Variants in KLF12 observed in about 807,000 individuals in gnomAD.
KLF12 encodes KLF transcription factor 12.
Under a neutral mutation model 37.8 loss-of-function variants are expected in KLF12, and 9 were observed. The observed-to-expected ratio is 0.24, with a 90% CI of 0.14 to 0.42. The LOEUF (loss-of-function observed/expected upper bound fraction) is 0.42, where lower values mean the gene tolerates loss of function less well. KLF12 is among the 10% of genes least tolerant of loss of function. KLF12 has a pLI of 1.00. For synonymous variants in KLF12, 208 were observed against 202.1 expected, an observed-to-expected ratio of 1.03 and a Z score of -0.25; for missense variants, 411 against 516.0, an observed-to-expected ratio of 0.80 and a Z score of 1.97.
At chr13:74,114,823 C>T (rs1171098447) in intron 1 of KLF12, among the ~76,000 whole-genome samples, 4 of 152,190 alleles carry the variant, frequency 2.6e-5, no homozygotes, top group Non-Finnish European at 2.9e-5. Flanking sequence ...TAATCCTCCA[C>T]TCCCTTTTTG....
At position 73,868,331 on chromosome 13, in the gene KLF12, G is replaced by GA. The variant is rs1555317374; in HGVS notation, c.124-21959_124-21958insT. 3.8e-4 allele frequency among the ~76,000 whole-genome samples: 51 copies of GA among 133,202 alleles called. 3 individuals carry two copies. The South Asian group carries it at 8.0e-3, about 21-fold the overall frequency. 87.4% of individuals were successfully genotyped at this position (133,202 alleles called of 152,430 possible). ...AAAGAAAAAAGGCGGGGGCGGTGGG[G>GA]GGGGGGGGTGATTTCAGTACAAAGC... On this transcript the variant is annotated intron_variant, in intron 3 of 7. Coordinates refer to ENST00000377669, the MANE Select transcript of KLF12 (RefSeq NM_007249.5).
intron 2 of KLF12, among the ~76,000 whole-genome samples, chr13:73,987,841 T>TG (rs1891866923): frequency 1.7e-5 from 1 of 60,548 alleles, no homozygotes; most frequent in Non-Finnish European, 3.3e-5. Context: ...AAAGAGGAAG[T>TG]GGGGGAAGAG....
intron 4 of KLF12, among the ~76,000 whole-genome samples, chr13:73,835,002 C>T (rs1038697698): frequency 2.0e-5 from 3 of 151,776 alleles, no homozygotes; most frequent in Admixed American, 6.6e-5. Context: ...TTTTTATTTC[C>T]ACTGAATAGA....
chr13:73,792,230 G>A (rs901571136), intron 5 of KLF12, among the ~76,000 whole-genome samples: 1 of 152,152 alleles, frequency 6.6e-6, no homozygotes, highest in African/African-American at 2.4e-5. Flanking sequence ...GCTAGTTCTA[G>A]AGGGAGATTT....
chr13:73,803,184 T>A (rs1470937189), intron 5 of KLF12, among the ~76,000 whole-genome samples: 2 of 152,206 alleles, frequency 1.3e-5, no homozygotes, highest in Admixed American at 6.5e-5. Flanking sequence ...TTCTGACTTC[T>A]CCCTAGGGAT....
chr13:74,083,342 A>T (rs1875034882), intron 1 of KLF12, among the ~76,000 whole-genome samples: 1 of 152,098 alleles, frequency 6.6e-6, no homozygotes, highest in African/African-American at 2.4e-5. Flanking sequence ...ACTGTGTCTA[A>T]AAAGTGCAGA....
intron 1 of KLF12, among the ~76,000 whole-genome samples, chr13:74,020,604 T>C (rs1892817200): frequency 2.0e-5 from 3 of 152,080 alleles, no homozygotes; most frequent in Non-Finnish European, 4.4e-5. Context: ...AAATATGGAA[T>C]GGAAGGCTGG....
intron 6 of KLF12, among the ~76,000 whole-genome samples, chr13:73,745,935 C>T (rs1878330518): frequency 6.6e-6 from 1 of 152,150 alleles, no homozygotes; most frequent in African/African-American, 2.4e-5. Flanking sequence ...ACGTAGTACA[C>T]ACCATCTGCA....
chr13:73,984,137 C>T (rs562628857), intron 2 of KLF12, among the ~76,000 whole-genome samples: 2 of 152,268 alleles, frequency 1.3e-5, no homozygotes, highest in East Asian at 3.9e-4. Flanking sequence ...AGTGAAATGG[C>T]AGAGAAGAGG....
chr13:73,899,425 A>C, intron 3 of KLF12, among the ~76,000 whole-genome samples: 1 of 152,240 alleles, frequency 6.6e-6, no homozygotes, highest in East Asian at 1.9e-4. Flanking sequence ...AGAAACAGAA[A>C]GCTGAATCTG....
chr13:73,906,356 T>C (rs1016819953), intron 3 of KLF12, among the ~76,000 whole-genome samples: 3 of 152,222 alleles, frequency 2.0e-5, no homozygotes, highest in Admixed American at 6.5e-5. Flanking sequence ...TCTATCATTT[T>C]ACATTTCCAT....
At chr13:74,138,094 C>T (rs1019432921), upstream of KLF12, among the ~76,000 whole-genome samples, 1 of 152,188 alleles carries the variant, frequency 6.6e-6, no homozygotes, top group South Asian at 2.1e-4. Context: ...TTACTTATAC[C>T]TCACCCAGAT....
Position 74,052,567 on chromosome 13 carries a change from C to T in KLF12, c.-31-57514G>A, listed in dbSNP as rs149254959. Among the ~76,000 whole-genome samples, 180 of 152,280 alleles carry T rather than the reference C, an allele frequency of 1.2e-3. 2 individuals carry two copies. In the South Asian group the frequency reaches 0.023, roughly 19 times the overall value. Reference sequence around the variant, plus strand: ...ATTATTTACCCAGCCCAGCGCCACACTCCACCATCATGTGGCGGCCAGATC... The same window carrying T: ...ATTATTTACCCAGCCCAGCGCCACATTCCACCATCATGTGGCGGCCAGATC... On this transcript the variant is annotated intron_variant, in intron 1 of 7. Transcript: ENST00000377669.
chr13:74,092,190 G>A (rs1469216300), intron 1 of KLF12, among the ~76,000 whole-genome samples: 1 of 151,370 alleles, frequency 6.6e-6, no homozygotes, highest in African/African-American at 2.4e-5. Flanking sequence ...CCAGCTATCT[G>A]GGAGGCTGAG....
intron 5 of KLF12, among the ~76,000 whole-genome samples, chr13:73,766,967 T>C (rs938665217): frequency 3.9e-5 from 6 of 152,184 alleles, no homozygotes; most frequent in Admixed American, 3.9e-4. Context: ...AAGAATTCCT[T>C]AGGAAAGTCT....
At chr13:73,868,231 G>A (rs1886278246) in intron 3 of KLF12, among the ~76,000 whole-genome samples, 2 of 133,448 alleles carry the variant, frequency 1.5e-5, no homozygotes, top group African/African-American at 2.8e-5. Context: ...AGAATCACTT[G>A]AACCCAGGAG....
intron 2 of KLF12, among the ~76,000 whole-genome samples, chr13:73,949,911 A>G (rs1890581595): frequency 6.6e-6 from 1 of 152,134 alleles, no homozygotes. Context: ...CAGAAATAAG[A>G]GCCAAAACCA....
chr13:73,733,520 G>A (rs1347189410), intron 6 of KLF12, among the ~76,000 whole-genome samples: 3 of 151,866 alleles, frequency 2.0e-5, no homozygotes, highest in Non-Finnish European at 4.4e-5. Context: ...ACACACACAC[G>A]CACGATCATA....
At chr13:73,971,404 T>C (rs1891335033) in intron 2 of KLF12, among the ~76,000 whole-genome samples, 1 of 152,144 alleles carries the variant, frequency 6.6e-6, no homozygotes, top group Admixed American at 6.5e-5. Context: ...AGTAATACAC[T>C]GTAAGAGACA....
Sources: allele counts gnomAD v4.1 joint callset (sites outside exome capture counted in the v4.1 genomes callset), GRCh38; gene constraint gnomAD v4.1.1; transcripts MANE v1.5; gene names NCBI Gene and HGNC (gene_info 2026-07-23, HGNC 2026-07-21).